FBLN1: variants seen among roughly 807,000 people sequenced by gnomAD.
FBLN1 encodes the protein fibulin 1.
In FBLN1, 34 loss-of-function variants were observed where a neutral mutation model predicts 89.7. That is an observed-to-expected ratio of 0.38 (90% CI 0.29 to 0.50). The LOEUF (loss-of-function observed/expected upper bound fraction) is 0.50. Ranked by LOEUF, FBLN1 falls within the 20% of genes least tolerant of loss-of-function variation. The pLI, the probability that FBLN1 is intolerant of heterozygous loss-of-function variation, is 0.92. For synonymous variants in FBLN1, 393 were observed against 391.3 expected, an observed-to-expected ratio of 1.00 and a Z score of -0.05; for missense variants, 777 against 988.1, an observed-to-expected ratio of 0.79 and a Z score of 2.86.
Position 45,545,375 on chromosome 22 carries a change from G to A in FBLN1, c.1322-1710G>A, listed in dbSNP as rs2088613065. 1.3e-5 allele frequency among the ~76,000 whole-genome samples: 2 copies of A among 152,198 alleles called. No individual in the cohort carries two copies. Among genetic ancestry groups the A allele is most frequent in the South Asian group, 4.1e-4 (2 of 4,832 alleles). On this transcript the variant is annotated intron_variant, in intron 11 of 16. Coordinates refer to ENST00000327858, the MANE Select transcript of FBLN1 (RefSeq NM_006486.3). This position sits in a 1 kb window ranked among gnomAD's most constrained non-coding sequence, Gnocchi z 5.9. Reference sequence around the variant, plus strand: ...TGAAACGAGATTAAGCATGTGAAGAGCTTATCACAGGGCCAAGCACAGGAT... The same window carrying A: ...TGAAACGAGATTAAGCATGTGAAGAACTTATCACAGGGCCAAGCACAGGAT...
chr22:45,575,945 G>T lies in FBLN1; in HGVS notation c.1841-1032G>T, dbSNP rs546727238. Among the ~76,000 whole-genome samples, 1 of 152,286 alleles carries T rather than the reference G, an allele frequency of 6.6e-6. No homozygotes were observed. The highest frequency in any genetic ancestry group is 1.5e-5 in the Non-Finnish European group (1 of 68,006). ...CTCTGTGTCAGGCTCTAGGGACATG[G>T]TGATAAGAAGGGGTCCTCCCACCCT... is the stretch of plus-strand genomic sequence containing the variant. On this transcript the variant is annotated intron_variant, in intron 15 of 16. Coordinates refer to ENST00000327858, the MANE Select transcript of FBLN1 (RefSeq NM_006486.3). This position sits in a 1 kb window ranked among gnomAD's most constrained non-coding sequence, Gnocchi z 6.3.
Position 45,535,280 on chromosome 22 carries a change from C to G in FBLN1, c.865C>G (p.Arg289Gly). 1 of 1,614,182 alleles carries G rather than the reference C, an allele frequency of 6.2e-7. No individual in the cohort carries two copies. The highest frequency in any genetic ancestry group is 8.5e-7 in the Non-Finnish European group (1 of 1,180,036). ...GAATACTCTGGGATCCTTCCGCTGC[C>G]GACCCAAGCTACAGTGCAAGAGTGG... ...CQNTLGSFRC[R>G]PKLQCKSGFI... The change falls in exon 8 of 17, where the codon CGA becomes GGA. Residue 289 changes from arginine (R) to glycine (G), a missense_variant. Arg to Gly is a moderately radical substitution (Grantham distance 125, BLOSUM62 -2). Coordinates refer to ENST00000327858, the MANE Select transcript of FBLN1 (RefSeq NM_006486.3).
At chr22:45,503,148 G>A (rs1158141240) in intron 1 of FBLN1, 84 bp downstream of exon 1, 3 of 1,092,822 alleles carry the variant, frequency 2.7e-6, no homozygotes, top group Admixed American at 4.7e-5. Flanking sequence ...GGAACCACGG[G>A]GACTCGGAGT....
At chr22:45,511,595 C>T (rs1042631679) in intron 1 of FBLN1, among the ~76,000 whole-genome samples, 2 of 151,896 alleles carry the variant, frequency 1.3e-5, no homozygotes, top group Admixed American at 6.6e-5. Flanking sequence ...TTCAGGTGCC[C>T]GCCACCATGC....
chr22:45,529,495 C>T (rs1239407495), intron 4 of FBLN1, among the ~76,000 whole-genome samples: 1 of 152,200 alleles, frequency 6.6e-6, no homozygotes. Flanking sequence ...CAGGACTCCG[C>T]CTGGGCCAAG....
At position 45,528,021 on chromosome 22, in the gene FBLN1, C is replaced by T; in HGVS notation, c.484+12C>T. 6.2e-7 allele frequency: 1 copy of T among 1,613,954 alleles called. No homozygotes were observed. The highest frequency in any genetic ancestry group is 8.5e-7 in the Non-Finnish European group (1 of 1,179,840). On this transcript the variant is annotated intron_variant, in intron 4 of 16. Transcript: ENST00000327858. ...CCTCCAAGAAACGGGTAACTTTCCC[C>T]CTTCCTTCCCTAATGAGCAGTGTAT...
In FBLN1 at chr22:45,580,790, A is replaced by C. The variant is rs1394253391; in HGVS notation, c.1972+3682A>C. Among the ~76,000 whole-genome samples the C allele has an allele frequency of 6.6e-6, 1 of 152,082 alleles. No homozygotes were observed. The highest frequency in any genetic ancestry group is 2.4e-5 in the African/African-American group (1 of 41,404). ...GTGTTCAGTCCTCCCAGAGTAACAG[A>C]AGAAGAGGGAGAAATGCCCCGAGTC... On this transcript the variant is annotated intron_variant, in intron 16 of 16. Coordinates refer to ENST00000327858, the MANE Select transcript of FBLN1 (RefSeq NM_006486.3). The surrounding 1 kb of genome is among the most constrained non-coding windows in gnomAD (Gnocchi z 8.6).
intron 16 of FBLN1, among the ~76,000 whole-genome samples, chr22:45,593,621 A>G (rs1222182844): frequency 1.3e-5 from 2 of 152,120 alleles, no homozygotes; most frequent in Non-Finnish European, 2.9e-5. Flanking sequence ...GGTAAGACAG[A>G]CAAGCCAGGT....
chr22:45,559,926 A>C (rs1038716307), intron 14 of FBLN1, among the ~76,000 whole-genome samples: 15 of 152,216 alleles, frequency 9.9e-5, no homozygotes, highest in Admixed American at 7.2e-4. Context: ...CTGGGTCTGT[A>C]AACTGGTTCA....
chr22:45,584,153 G>A (rs1032147187), intron 16 of FBLN1, among the ~76,000 whole-genome samples: 4 of 152,154 alleles, frequency 2.6e-5, no homozygotes, highest in African/African-American at 9.7e-5. Context: ...GGAGTTAAAC[G>A]CACATTCAGA....
At position 45,562,949 on chromosome 22, in the gene FBLN1, T is replaced by A; in HGVS notation, c.1698-11562T>A. Reference sequence around the variant, plus strand: ...CTTGCCTTGCCATGAGAATCGGGAGTGCTCCAAGCTGCCTCTGAGAATAAC... The same window carrying A: ...CTTGCCTTGCCATGAGAATCGGGAGAGCTCCAAGCTGCCTCTGAGAATAAC... On this transcript the variant is annotated intron_variant, in intron 14 of 16. Coordinates refer to ENST00000327858, the MANE Select transcript of FBLN1 (RefSeq NM_006486.3). This position sits in a 1 kb window ranked among gnomAD's most constrained non-coding sequence, Gnocchi z 7.8. The A allele has an allele frequency of 6.2e-7, 1 of 1,613,906 alleles. No individual in the cohort carries two copies. Among genetic ancestry groups the A allele is most frequent in the Non-Finnish European group, 8.5e-7 (1 of 1,180,004 alleles).
chr22:45,564,839 A>G (rs1406357454), intron 14 of FBLN1: 1 of 1,611,848 alleles, frequency 6.2e-7, no homozygotes, highest in South Asian at 1.1e-5. Flanking sequence ...GGCTTATGTC[A>G]CTAGCATTTC....
At chr22:45,584,037 G>A (rs773490516) in intron 16 of FBLN1, among the ~76,000 whole-genome samples, 8 of 152,198 alleles carry the variant, frequency 5.3e-5, no homozygotes, top group Non-Finnish European at 1.2e-4. Flanking sequence ...GGGCCCCCAG[G>A]AGGTGGTGGT....
chr22:45,569,770 T>G (rs1254987382), intron 14 of FBLN1, among the ~76,000 whole-genome samples: 8 of 152,090 alleles, frequency 5.3e-5, no homozygotes, highest in African/African-American at 1.9e-4. Flanking sequence ...GAGAGAGGCC[T>G]CAGAAAGAAC....
At chr22:45,595,884 T>A (rs1354321565) in intron 16 of FBLN1, among the ~76,000 whole-genome samples, 3 of 152,290 alleles carry the variant, frequency 2.0e-5, no homozygotes, top group African/African-American at 4.8e-5. Flanking sequence ...TGGTTTTGTT[T>A]TTTGAGACAG....
At chr22:45,566,133 G>T (rs2088899853) in intron 14 of FBLN1, among the ~76,000 whole-genome samples, 1 of 152,156 alleles carries the variant, frequency 6.6e-6, no homozygotes, top group African/African-American at 2.4e-5. Context: ...TCCTATTCAG[G>T]CATCCATTTG....
At chr22:45,582,144 C>T (rs944924494) in intron 16 of FBLN1, among the ~76,000 whole-genome samples, 1 of 152,218 alleles carries the variant, frequency 6.6e-6, no homozygotes, top group Non-Finnish European at 1.5e-5. Context: ...GAGGATAGGG[C>T]TTAGACCTGA....
chr22:45,522,160 AT>A (rs2088260225), intron 2 of FBLN1, among the ~76,000 whole-genome samples: 1 of 151,922 alleles, frequency 6.6e-6, no homozygotes, highest in Non-Finnish European at 1.5e-5. Flanking sequence ...TAATTTTGGT[AT>A]TTTTAGTAGA....
Position 45,572,494 on chromosome 22 carries a change from T to C in FBLN1, c.1698-2017T>C, listed in dbSNP as rs994960801. ...CTAGTTAGCTTATTATCCTGAAAAT[T>C]AGAAAATTCAAGGAAACAACCAAGT... On this transcript the variant is annotated intron_variant, in intron 14 of 16. Coordinates refer to ENST00000327858, the MANE Select transcript of FBLN1 (RefSeq NM_006486.3). This position sits in a 1 kb window ranked among gnomAD's most constrained non-coding sequence, Gnocchi z 5.8. Among the ~76,000 whole-genome samples, 4 of 152,160 alleles carry C rather than the reference T, an allele frequency of 2.6e-5. No homozygotes were observed. The highest frequency in any genetic ancestry group is 9.7e-5 in the African/African-American group (4 of 41,432).
Sources: gnomAD v4.1 joint callset for allele counts (sites outside exome capture counted in the v4.1 genomes callset) on GRCh38, gnomAD v4.1.1 for gene constraint, Gnocchi (gnomAD v3.1) non-coding constraint, MANE v1.5 for transcripts, NCBI Gene and HGNC (gene_info 2026-07-23, HGNC 2026-07-21) for gene names.